The following PDE4D variants were observed in gnomAD, a reference collection of about 807,000 sequenced individuals.
PDE4D encodes the protein 3',5'-cyclic-AMP phosphodiesterase 4D.
In PDE4D, 24 loss-of-function variants were observed where a neutral mutation model predicts 87.4. The observed-to-expected ratio is 0.27, with a 90% CI of 0.20 to 0.39. The LOEUF is 0.39. PDE4D is among the 10% of genes least tolerant of loss of function. The pLI is 1.00. For synonymous variants in PDE4D, 384 were observed against 383.2 expected (o/e 1.00, Z -0.02); for missense variants, 714 against 1,041.0 (o/e 0.69, Z 4.32).
At chr5:59,117,332 A>C (rs982450866) in intron 5 of PDE4D, among the ~76,000 whole-genome samples, 3 of 152,148 alleles carry the variant, frequency 2.0e-5, no homozygotes, top group African/African-American at 7.2e-5. Flanking sequence ...GTTTTTAAAA[A>C]CCATTAATGG....
At position 58,990,959 on chromosome 5, in the gene PDE4D, C is replaced by T. The variant is rs373697044; in HGVS notation, c.1189-57G>A. 153 of 946,234 alleles carry T rather than the reference C, an allele frequency of 1.6e-4. 1 individual carries two copies. The African/African-American group carries it at 2.0e-3, about 12-fold the overall frequency. 58.6% of individuals were successfully genotyped at this position (946,234 alleles called of 1,614,324 possible). On this transcript the variant is annotated intron_variant, in intron 8 of 14. Coordinates refer to ENST00000340635, the MANE Select transcript of PDE4D (RefSeq NM_001104631.2). ...TATTAGAAAGTGGAGTAAAATATGA[C>T]TCAATGAACACAATCATTTAAAAAT...
chr5:59,142,866 G>A (rs1430937081), intron 5 of PDE4D, among the ~76,000 whole-genome samples: 4 of 152,142 alleles, frequency 2.6e-5, no homozygotes, highest in Non-Finnish European at 4.4e-5. Flanking sequence ...TCAGTGAGCC[G>A]AGATCGTGCC....
intron 1 of PDE4D, among the ~76,000 whole-genome samples, chr5:59,242,202 G>A (rs1757824772): frequency 1.3e-5 from 2 of 152,110 alleles, no homozygotes; most frequent in Admixed American, 6.6e-5. Flanking sequence ...TCTGTAGTGT[G>A]CTATGATCAG....
chr5:59,928,491 T>C (rs1755526193), intron 3 of PDE4D, among the ~76,000 whole-genome samples: 1 of 151,768 alleles, frequency 6.6e-6, no homozygotes, highest in African/African-American at 2.4e-5. Flanking sequence ...GACAGGAGAA[T>C]CACTTGAACC....
At chr5:59,356,405 G>GT (rs796509724) in intron 1 of PDE4D, among the ~76,000 whole-genome samples, 4 of 151,976 alleles carry the variant, frequency 2.6e-5, no homozygotes, top group South Asian at 2.1e-4. Flanking sequence ...ATAATGTAGT[G>GT]TTTTTTTTGT....
chr5:59,683,756 G>A (rs1468086156), intron 1 of PDE4D, among the ~76,000 whole-genome samples: 1 of 152,094 alleles, frequency 6.6e-6, no homozygotes, highest in African/African-American at 2.4e-5. Context: ...TTTATTAGTA[G>A]TTTTTAGATA....
intron 1 of PDE4D, among the ~76,000 whole-genome samples, chr5:59,407,181 G>C (rs1229458361): frequency 6.6e-6 from 1 of 152,118 alleles, no homozygotes; most frequent in Non-Finnish European, 1.5e-5. Context: ...AGCTTTGTGA[G>C]CAAGTTCTCA....
chr5:60,014,059 C>T (rs1402142271), intron 2 of PDE4D, among the ~76,000 whole-genome samples: 2 of 147,694 alleles, frequency 1.4e-5, no homozygotes, highest in Non-Finnish European at 3.0e-5. Flanking sequence ...TGCCACTGCA[C>T]TCCAGCCTGG....
chr5:59,609,377 T>TACACACACACACAC (rs61116888), intron 1 of PDE4D, among the ~76,000 whole-genome samples: 74,010 of 147,316 alleles, frequency 0.5, 18,492 homozygotes, highest in East Asian at 0.58. Flanking sequence ...TTTGTATATG[T>TACACACACACACAC]ACACACACAC....
In PDE4D at chr5:58,990,836, G is replaced by C; in HGVS notation, c.1255C>G (p.Pro419Ala). 1 of 1,603,182 alleles carries C rather than the reference G, an allele frequency of 6.2e-7. No individual in the cohort carries two copies. Among genetic ancestry groups the C allele is most frequent in the African/African-American group, 1.3e-5 (1 of 74,706 alleles). Residue 419 changes from proline to alanine, a missense_variant, in exon 9 of 15, where the codon CCC (proline) becomes GCC (alanine). Pro to Ala is a conservative substitution (Grantham distance 27, BLOSUM62 -1). Coordinates refer to ENST00000340635, the MANE Select transcript of PDE4D (RefSeq NM_001104631.2). ...FRIAELSGNR[P>A]LTVIMHTIFQ... is the part of the protein sequence containing the mutation. ...ATGGTGTGCATGATAACAGTCAAGG[G>C]CCGGTTACCAGACAACTCTGCTATT... is the stretch of plus-strand genomic sequence containing the variant.
chr5:59,142,040 G>T (rs907521741), intron 5 of PDE4D, among the ~76,000 whole-genome samples: 1 of 152,104 alleles, frequency 6.6e-6, no homozygotes, highest in Admixed American at 6.5e-5. Context: ...CCACCCTGTT[G>T]TCTCTGCACA....
chr5:59,531,127 C>T (rs1814140445), intron 1 of PDE4D, among the ~76,000 whole-genome samples: 1 of 152,194 alleles, frequency 6.6e-6, no homozygotes, highest in Non-Finnish European at 1.5e-5. Context: ...CCTAAATCAT[C>T]ACACATGGTT....
chr5:59,403,148 G>A (rs1285594044), intron 1 of PDE4D, among the ~76,000 whole-genome samples: 1 of 130,854 alleles, frequency 7.6e-6, no homozygotes, highest in East Asian at 2.4e-4. Flanking sequence ...TAGGTAGACA[G>A]ACAGACAGAC....
chr5:59,519,443 C>T lies in PDE4D; in HGVS notation c.456-303475G>A, dbSNP rs1051573823. Among the ~76,000 whole-genome samples, 3 of 152,152 alleles carry T rather than the reference C, an allele frequency of 2.0e-5. No individual in the cohort carries two copies. In the East Asian group the frequency reaches 5.8e-4, roughly 29 times the overall value. On this transcript the variant is annotated intron_variant, in intron 1 of 14. Transcript: ENST00000340635. ...CAGGATGGAACCAGCCATCCAGATA[C>T]TTAGAGGAAGAGAATTCCCAGCACT...
chr5:60,276,880 A>T (rs1751422535), intron 1 of PDE4D, among the ~76,000 whole-genome samples: 1 of 151,704 alleles, frequency 6.6e-6, no homozygotes, highest in Non-Finnish European at 1.5e-5. Flanking sequence ...TGTGATTAAT[A>T]TTTATATGAT....
chr5:59,281,523 T>C (rs1231203355), intron 1 of PDE4D, among the ~76,000 whole-genome samples: 9 of 152,292 alleles, frequency 5.9e-5, no homozygotes, highest in Admixed American at 3.9e-4. Context: ...TCTCTAAGCA[T>C]AGGTAAATAT....
intron 8 of PDE4D, among the ~76,000 whole-genome samples, 195 bp from the exon 9 acceptor site, chr5:58,991,097 A>G (rs1385879719): frequency 6.6e-6 from 1 of 152,088 alleles, no homozygotes; most frequent in Non-Finnish European, 1.5e-5. Flanking sequence ...CCTGCCCAAC[A>G]TGGTGAAACC....
At chr5:59,365,860 C>T (rs1782969047) in intron 1 of PDE4D, among the ~76,000 whole-genome samples, 1 of 152,110 alleles carries the variant, frequency 6.6e-6, no homozygotes, top group African/African-American at 2.4e-5. Context: ...CAAACGGTCC[C>T]TTTGAATCCT....
At chr5:59,222,695 CTGT>C (rs1424931138) in intron 1 of PDE4D, among the ~76,000 whole-genome samples, 1 of 152,138 alleles carries the variant, frequency 6.6e-6, no homozygotes, top group African/African-American at 2.4e-5. Flanking sequence ...AAAAATGTTC[CTGT>C]TAAGATGTTT....
Sources: allele counts gnomAD v4.1 joint callset (sites outside exome capture counted in the v4.1 genomes callset), GRCh38; gene constraint gnomAD v4.1.1; transcripts MANE v1.5; gene names NCBI Gene and HGNC (gene_info 2026-07-23, HGNC 2026-07-21).